The following CEP135 variants were observed in gnomAD, a reference collection of about 807,000 sequenced individuals.
The protein encoded by CEP135 is centrosomal protein of 135 kDa.
In CEP135, 142 loss-of-function variants were observed where a neutral mutation model predicts 157.3. The observed-to-expected ratio is 0.90, with a 90% CI of 0.79 to 1.04. The LOEUF (loss-of-function observed/expected upper bound fraction) is 1.04. CEP135 is among the 50% of genes least tolerant of loss of function. The pLI is 0.00. For missense variants in CEP135, 1,317 were observed against 1,309.2 expected, an observed-to-expected ratio of 1.01 and a Z score of -0.09; for synonymous variants, 396 against 439.8, an observed-to-expected ratio of 0.90 and a Z score of 1.25.
At chr4:55,965,913 C>T (rs568972565) in intron 8 of CEP135, 54 bp downstream of exon 8, 74 of 1,419,688 alleles carry the variant, frequency 5.2e-5, no homozygotes, top group African/African-American at 4.6e-4. Flanking sequence ...TCCTAGCACA[C>T]GGTAAGCTTG....
intron 21 of CEP135, 121 bp from the exon 22 acceptor site, chr4:56,017,527 T>C: frequency 1.2e-6 from 1 of 819,166 alleles, no homozygotes; most frequent in East Asian, 2.7e-5. Flanking sequence ...GAGAGTATTT[T>C]AAAATAAGCA....
At chr4:56,010,913 G>A (rs1730559705) in intron 19 of CEP135, among the ~76,000 whole-genome samples, 1 of 152,050 alleles carries the variant, frequency 6.6e-6, no homozygotes, top group Non-Finnish European at 1.5e-5. Flanking sequence ...GACTATTATG[G>A]GAAATGTGTG....
At chr4:55,959,436 G>A (rs903989999) in intron 5 of CEP135, among the ~76,000 whole-genome samples, 2 of 152,184 alleles carry the variant, frequency 1.3e-5, no homozygotes, top group African/African-American at 4.8e-5. Flanking sequence ...GCAATAGTGA[G>A]GTGTTTCTTG....
chr4:56,004,926 AT>A (rs141401678), intron 17 of CEP135, among the ~76,000 whole-genome samples: 11,053 of 126,494 alleles, frequency 0.087, 401 homozygotes, highest in African/African-American at 0.094. Flanking sequence ...TAATGCTGCC[AT>A]TTTTTTTTTT....
intron 25 of CEP135, among the ~76,000 whole-genome samples, chr4:56,029,018 A>G (rs1408343359): frequency 6.6e-6 from 1 of 152,140 alleles, no homozygotes; most frequent in Non-Finnish European, 1.5e-5. Flanking sequence ...CATTCTATTA[A>G]TTTGCTAGAG....
intron 11 of CEP135, among the ~76,000 whole-genome samples, chr4:55,979,818 C>T (rs1729340131): frequency 6.6e-6 from 1 of 152,156 alleles, no homozygotes; most frequent in Non-Finnish European, 1.5e-5. Context: ...ACTGCTAATG[C>T]TTCTGGTCTG....
Position 56,011,300 on chromosome 4 carries a change from C to G in CEP135, c.2506-112C>G, listed in dbSNP as rs146479001. 414 of 695,464 alleles carry G rather than the reference C, an allele frequency of 6.0e-4. 4 individuals are homozygous for G. In the East Asian group the frequency reaches 9.3e-3, roughly 16 times the overall value. 43.1% of individuals were successfully genotyped at this position (695,464 alleles called of 1,614,324 possible). ...AAAATAACACTTAGGAACAGTTTTC[C>G]TTTTGCCCTACTCTATCTTATTCTC... On this transcript the variant is annotated intron_variant, in intron 19 of 25. Transcript: ENST00000257287.
At chr4:55,964,483 G>A in intron 7 of CEP135, 81 bp downstream of exon 7, 1 of 1,137,530 alleles carries the variant, frequency 8.8e-7, no homozygotes, top group Non-Finnish European at 1.2e-6. Context: ...TGGTCTATGG[G>A]TTTGTAAAAG....
At chr4:56,012,068 T>A in intron 21 of CEP135, 83 bp downstream of exon 21, 2 of 896,100 alleles carry the variant, frequency 2.2e-6, no homozygotes, top group Non-Finnish European at 1.5e-6. Flanking sequence ...TATTTATTTA[T>A]TTTTTTTGAG....
chr4:56,021,834 T>C (rs1730983318), intron 24 of CEP135, among the ~76,000 whole-genome samples: 1 of 152,154 alleles, frequency 6.6e-6, no homozygotes, highest in African/African-American at 2.4e-5. Context: ...GAAATCAGCG[T>C]GAGCAACATG....
intron 6 of CEP135, among the ~76,000 whole-genome samples, chr4:55,962,920 C>T (rs1346610945): frequency 6.6e-6 from 1 of 152,126 alleles, no homozygotes; most frequent in Non-Finnish European, 1.5e-5. Flanking sequence ...CTCTGCTGAA[C>T]TCCAGACCCA....
At chr4:55,953,514 G>T (rs370364088) in intron 3 of CEP135, among the ~76,000 whole-genome samples, 14 of 151,858 alleles carry the variant, frequency 9.2e-5, no homozygotes, top group African/African-American at 3.1e-4. Context: ...AAAAAGAAAA[G>T]AAAAGAAAAT....
chr4:55,959,900 T>G (rs1043227598), intron 6 of CEP135, 134 bp downstream of exon 6: 3 of 753,244 alleles, frequency 4.0e-6, no homozygotes, highest in Non-Finnish European at 6.7e-6. Flanking sequence ...GGTTTGTTAA[T>G]AGAGTTAATA....
At chr4:55,950,022 C>T (rs961854549) in intron 1 of CEP135, among the ~76,000 whole-genome samples, 3 of 152,178 alleles carry the variant, frequency 2.0e-5, no homozygotes, top group Non-Finnish European at 4.4e-5. Flanking sequence ...GCTAGTAATA[C>T]ACCTGGATTT....
Position 55,949,253 on chromosome 4 carries a change from C to G in CEP135, c.-46+194C>G, listed in dbSNP as rs551070395. On this transcript the variant is annotated intron_variant, in intron 1 of 25. Coordinates refer to ENST00000257287, the MANE Select transcript of CEP135 (RefSeq NM_025009.5). Reference sequence around the variant, plus strand: ...TCCCACCCACCCCGCTCCCACACCCCCTTCCCGTCAACACCCGACGGTAAA... The same window carrying G: ...TCCCACCCACCCCGCTCCCACACCCGCTTCCCGTCAACACCCGACGGTAAA... Among the ~76,000 whole-genome samples the G allele has an allele frequency of 5.4e-3, 829 of 152,310 alleles. 6 individuals are homozygous for G. Among genetic ancestry groups the G allele is most frequent in the Middle Eastern group, 0.027 (8 of 292 alleles).
intron 4 of CEP135, among the ~76,000 whole-genome samples, chr4:55,955,719 C>G (rs191216889): frequency 2.0e-5 from 3 of 152,098 alleles, no homozygotes; most frequent in Non-Finnish European, 4.4e-5. Context: ...ACTTCTCTTT[C>G]GAGTGAATGA....
rs376042863 is a variant in CEP135, at chr4:55,991,045, G to A, written c.1858-889G>A. ...GGCAGGAGTACAGTGGCGTGATCTC[G>A]GCTCACTGCAACCTCTGCCACCAGG... On this transcript the variant is annotated intron_variant, in intron 14 of 25. Coordinates refer to ENST00000257287, the MANE Select transcript of CEP135 (RefSeq NM_025009.5). Among the ~76,000 whole-genome samples, 58 of 151,706 alleles carry A rather than the reference G, an allele frequency of 3.8e-4. 1 individual carries two copies. The South Asian group carries it at 8.1e-3, about 21-fold the overall frequency.
At chr4:56,025,310 A>G (rs972250545) in intron 25 of CEP135, among the ~76,000 whole-genome samples, 20 of 152,218 alleles carry the variant, frequency 1.3e-4, no homozygotes, top group Non-Finnish European at 7.3e-5. Flanking sequence ...TTAAAAAGAG[A>G]AGACATCTAC....
chr4:55,982,184 A>C (rs1192999649), intron 13 of CEP135, among the ~76,000 whole-genome samples: 1 of 152,184 alleles, frequency 6.6e-6, no homozygotes, highest in Non-Finnish European at 1.5e-5. Context: ...TGGATATTTC[A>C]TATAAATTGA....
Sources: gnomAD v4.1 joint callset for allele counts (sites outside exome capture counted in the v4.1 genomes callset) on GRCh38, gnomAD v4.1.1 for gene constraint, MANE v1.5 for transcripts, NCBI Gene and HGNC (gene_info 2026-07-23, HGNC 2026-07-21) for gene names.